The following EML6 variants were observed in gnomAD, a reference collection of about 807,000 sequenced individuals.
The protein encoded by EML6 is EMAP like 6.
Under a neutral mutation model 240.1 loss-of-function variants are expected in EML6, and 154 were observed. The ratio of observed to expected loss-of-function variants is 0.64; its 90% CI spans 0.56 to 0.73. The LOEUF is 0.73. EML6 is among the 30% of genes least tolerant of loss of function. The pLI is 0.00. For missense variants in EML6, 2,964 were observed against 2,474.6 expected (o/e 1.20, Z -4.20); for synonymous variants, 1,148 against 899.0 (o/e 1.28, Z -4.95).
chr2:54,855,302 G>A (rs1398377862), intron 11 of EML6, among the ~76,000 whole-genome samples: 1 of 152,094 alleles, frequency 6.6e-6, no homozygotes, highest in Non-Finnish European at 1.5e-5. Flanking sequence ...ACGTCACAAA[G>A]CCAGAGCAGG....
At chr2:54,847,137 G>T (rs908110015) in intron 8 of EML6, among the ~76,000 whole-genome samples, 1 of 151,858 alleles carries the variant, frequency 6.6e-6, no homozygotes, top group African/African-American at 2.4e-5. Flanking sequence ...CGAACTCCTG[G>T]GCTCAAGTGT....
At chr2:54,909,516 T>C (rs117612887) in intron 24 of EML6, among the ~76,000 whole-genome samples, 4 of 152,248 alleles carry the variant, frequency 2.6e-5, no homozygotes, top group East Asian at 1.9e-4. Context: ...ACCTTATTTT[T>C]AGTCAGGTAG....
intron 28 of EML6, among the ~76,000 whole-genome samples, chr2:54,942,403 T>C (rs1675476462): frequency 6.6e-6 from 1 of 152,132 alleles, no homozygotes. Context: ...GTCTGATTCT[T>C]TTAGGCAAGT....
chr2:54,822,082 C>T (rs183268063), intron 5 of EML6, among the ~76,000 whole-genome samples: 126 of 152,212 alleles, frequency 8.3e-4, no homozygotes, highest in African/African-American at 2.8e-3. Context: ...GCAAAGATCT[C>T]TTGCAAATCC....
At chr2:54,761,658 T>C (rs1324450114) in intron 2 of EML6, among the ~76,000 whole-genome samples, 1 of 152,172 alleles carries the variant, frequency 6.6e-6, no homozygotes, top group Non-Finnish European at 1.5e-5. Flanking sequence ...AATTATGATA[T>C]GGAAATGTTT....
At chr2:54,963,285 G>C (rs1393408261) in intron 36 of EML6, among the ~76,000 whole-genome samples, 1 of 152,218 alleles carries the variant, frequency 6.6e-6, no homozygotes, top group Non-Finnish European at 1.5e-5. Flanking sequence ...TCACAGAATA[G>C]TCAGGTAAAA....
chr2:54,907,949 A>AT lies in EML6; in HGVS notation c.3410-3004dup, dbSNP rs1347849026. Among the ~76,000 whole-genome samples the AT allele has an allele frequency of 2.9e-4, 8 of 27,308 alleles. 1 individual carries two copies. The highest frequency in any genetic ancestry group is 5.3e-4 in the Non-Finnish European group (6 of 11,232). The allele number at this position is 27,308 out of a possible 152,430, so 17.9% of individuals were successfully genotyped here. Reference sequence around the variant, plus strand: ...ATAGATAGATAGATAGATAGATAAGATAGATAGATAGATAGATAGATAGAT... The same window carrying AT: ...ATAGATAGATAGATAGATAGATAAGATTAGATAGATAGATAGATAGATAGAT... On this transcript the variant is annotated intron_variant, in intron 24 of 41. Coordinates refer to ENST00000356458, the MANE Select transcript of EML6 (RefSeq NM_001039753.4).
At chr2:54,802,077 T>C (rs1033364139) in intron 2 of EML6, among the ~76,000 whole-genome samples, 23 of 152,126 alleles carry the variant, frequency 1.5e-4, no homozygotes, top group African/African-American at 5.1e-4. Context: ...TTTATAAAAG[T>C]GTCCATTATA....
chr2:54,804,116 A>G (rs1170792875), intron 2 of EML6, among the ~76,000 whole-genome samples: 1 of 152,272 alleles, frequency 6.6e-6, no homozygotes, highest in Non-Finnish European at 1.5e-5. Context: ...CAAGAAAGGT[A>G]GAATGCTCCA....
rs536911375 is a variant in EML6, at chr2:54,895,498, C to G, written c.2982+98C>G. On this transcript the variant is annotated intron_variant, in intron 21 of 41. Transcript: ENST00000356458. Reference sequence around the variant, plus strand: ...AGGTTGCAAAACTTAAGGAGGCACTCACTCTCAGGGTTGCACAAGAGTTGA... The same window carrying G: ...AGGTTGCAAAACTTAAGGAGGCACTGACTCTCAGGGTTGCACAAGAGTTGA... The G allele has an allele frequency of 3.3e-6, 4 of 1,218,840 alleles. No homozygotes were observed. The East Asian group carries it at 1.0e-4, about 31-fold the overall frequency. 75.5% of individuals were successfully genotyped at this position (1,218,840 alleles called of 1,614,324 possible).
intron 3 of EML6, among the ~76,000 whole-genome samples, chr2:54,813,817 A>T (rs1480313173): frequency 6.6e-6 from 1 of 152,158 alleles, no homozygotes; most frequent in Non-Finnish European, 1.5e-5. Context: ...CACTGAGAAG[A>T]TTATCCTTGA....
At chr2:54,821,836 A>C (rs1271788823) in intron 5 of EML6, among the ~76,000 whole-genome samples, 6 of 152,268 alleles carry the variant, frequency 3.9e-5, no homozygotes, top group African/African-American at 1.4e-4. Context: ...TAAAGAGGTA[A>C]GTTTCAAAAA....
At chr2:54,814,651 A>G (rs559797887) in intron 3 of EML6, among the ~76,000 whole-genome samples, 59 of 152,228 alleles carry the variant, frequency 3.9e-4, no homozygotes, top group Non-Finnish European at 6.8e-4. Context: ...GAAATTATTC[A>G]TAGAGGCTTA....
At chr2:54,761,888 G>A (rs1667998129) in intron 2 of EML6, among the ~76,000 whole-genome samples, 1 of 151,500 alleles carries the variant, frequency 6.6e-6, no homozygotes, top group Non-Finnish European at 1.5e-5. Context: ...AAAGTAGGTT[G>A]AATGCATCAT....
chr2:54,758,410 T>A (rs568385147), intron 2 of EML6, among the ~76,000 whole-genome samples: 3 of 152,328 alleles, frequency 2.0e-5, no homozygotes, highest in South Asian at 2.1e-4. Flanking sequence ...TGTGCTCTTA[T>A]AGTTTCTCTT....
chr2:54,856,441 G>A (rs1479825677), intron 11 of EML6, among the ~76,000 whole-genome samples: 2 of 152,276 alleles, frequency 1.3e-5, no homozygotes, highest in South Asian at 4.1e-4. Context: ...AAGTATCCAT[G>A]TCCTGATAGC....
At chr2:54,782,167 A>G (rs781151460) in intron 2 of EML6, among the ~76,000 whole-genome samples, 1 of 152,194 alleles carries the variant, frequency 6.6e-6, no homozygotes, top group African/African-American at 2.4e-5. Context: ...GAATTTCCCT[A>G]TCACTTCAAA....
intron 2 of EML6, among the ~76,000 whole-genome samples, chr2:54,799,002 C>T (rs1018589366): frequency 6.6e-6 from 1 of 152,140 alleles, no homozygotes; most frequent in East Asian, 1.9e-4. Context: ...ATTTTGTTAA[C>T]CAGCAAATCT....
intron 24 of EML6, among the ~76,000 whole-genome samples, chr2:54,903,906 C>G (rs1263588489): frequency 2.0e-5 from 3 of 152,176 alleles, no homozygotes; most frequent in African/African-American, 7.2e-5. Context: ...CAAAAAGGCT[C>G]AAGCAAATTT....
Sources: gnomAD v4.1 joint callset for allele counts (sites outside exome capture counted in the v4.1 genomes callset) on GRCh38, gnomAD v4.1.1 for gene constraint, MANE v1.5 for transcripts, NCBI Gene and HGNC (gene_info 2026-07-23, HGNC 2026-07-21) for gene names.